Variants in SLC13A3 observed in about 807,000 individuals in gnomAD.
The protein encoded by SLC13A3 is Na(+)/dicarboxylate cotransporter 3.
Under a neutral mutation model 59.0 loss-of-function variants are expected in SLC13A3, and 40 were observed. The observed-to-expected ratio is 0.68, with a 90% CI of 0.53 to 0.88. The LOEUF (loss-of-function observed/expected upper bound fraction) is 0.88, where lower values mean the gene tolerates loss of function less well. SLC13A3 is among the 40% of genes least tolerant of loss of function. SLC13A3 has a pLI of 0.00. For missense variants in SLC13A3, 699 were observed against 783.2 expected (o/e 0.89, Z 1.28); for synonymous variants, 317 against 330.3 (o/e 0.96, Z 0.44).
chr20:46,614,512 T>G (rs541816234), intron 1 of SLC13A3, among the ~76,000 whole-genome samples: 2 of 152,144 alleles, frequency 1.3e-5, no homozygotes, highest in Non-Finnish European at 2.9e-5. Context: ...TGAGCACCAG[T>G]GGGGGTGTGG....
intron 1 of SLC13A3, among the ~76,000 whole-genome samples, chr20:46,624,752 T>C (rs1275349535): frequency 6.6e-6 from 1 of 152,208 alleles, no homozygotes; most frequent in Non-Finnish European, 1.5e-5. Flanking sequence ...TGGACCAACA[T>C]TCCAAAGATG....
At chr20:46,612,102 TC>T (rs2062502498) in intron 2 of SLC13A3, among the ~76,000 whole-genome samples, 1 of 146,806 alleles carries the variant, frequency 6.8e-6, no homozygotes, top group African/African-American at 2.7e-5. Flanking sequence ...TTTCTTTCTT[TC>T]TCTCTTTCTC....
At chr20:46,590,484 C>T (rs1394216109) in intron 6 of SLC13A3, among the ~76,000 whole-genome samples, 1 of 152,048 alleles carries the variant, frequency 6.6e-6, no homozygotes, top group African/African-American at 2.4e-5. Context: ...AGACCAAAAA[C>T]CCATTTGAAA....
At chr20:46,594,899 T>TA (rs1265068975) in intron 5 of SLC13A3, among the ~76,000 whole-genome samples, 1 of 152,156 alleles carries the variant, frequency 6.6e-6, no homozygotes, top group African/African-American at 2.4e-5. Flanking sequence ...ATGGGTGTAC[T>TA]AAAATCTCTT....
chr20:46,562,279 T>C (rs2061937890), intron 12 of SLC13A3, among the ~76,000 whole-genome samples: 1 of 152,192 alleles, frequency 6.6e-6, no homozygotes, highest in Non-Finnish European at 1.5e-5. Context: ...CCTGACCTCG[T>C]GTCTCCAACC....
At chr20:46,642,798 G>A (rs762256521) in intron 1 of SLC13A3, among the ~76,000 whole-genome samples, 5 of 152,124 alleles carry the variant, frequency 3.3e-5, no homozygotes, top group African/African-American at 7.2e-5. Flanking sequence ...GATTATTCCC[G>A]GAGTGTCCAG....
chr20:46,609,950 A>G (rs2062476875), intron 3 of SLC13A3, among the ~76,000 whole-genome samples: 1 of 152,162 alleles, frequency 6.6e-6, no homozygotes, highest in African/African-American at 2.4e-5. Context: ...CTTGCACAAG[A>G]TCCTTAAGAA....
At chr20:46,638,789 C>T (rs192287670) in intron 1 of SLC13A3, among the ~76,000 whole-genome samples, 9 of 152,220 alleles carry the variant, frequency 5.9e-5, no homozygotes, top group Non-Finnish European at 8.8e-5. Flanking sequence ...CTTGGCACCG[C>T]GGACATTTGG....
intron 11 of SLC13A3, among the ~76,000 whole-genome samples, chr20:46,565,798 C>T (rs2061975431): frequency 3.3e-5 from 5 of 152,316 alleles, no homozygotes; most frequent in Non-Finnish European, 2.9e-5. Context: ...CTGTAGTGCA[C>T]GGATCAGCCC....
intron 1 of SLC13A3, among the ~76,000 whole-genome samples, chr20:46,657,725 C>T (rs944549087): frequency 6.6e-6 from 1 of 152,118 alleles, no homozygotes; most frequent in Non-Finnish European, 1.5e-5. Context: ...TGAAACATGG[C>T]GCTGTCATCT....
In SLC13A3 at chr20:46,588,163, C is replaced by G; in HGVS notation, c.1017G>C (p.Lys339Asn). The G allele has an allele frequency of 1.2e-6, 2 of 1,603,086 alleles. No individual in the cohort carries two copies. The highest frequency in any genetic ancestry group is 2.2e-5 in the South Asian group (2 of 90,020). Residue 339 changes from lysine to asparagine, a missense_variant and splice_region_variant, in exon 8 of 13, where the codon AAG (lysine) becomes AAC (asparagine). Coordinates refer to ENST00000279027, the MANE Select transcript of SLC13A3 (RefSeq NM_022829.6). ...GGATGAAAACAGCCTGTTCGGCAAACCTGTGGCACAGACATGCAGGCATGA... is the reference window on the plus strand; with the variant it reads ...GGATGAAAACAGCCTGTTCGGCAAAGCTGTGGCACAGACATGCAGGCATGA... Reference protein sequence around the residue: ...REEYQNLGPIKFAEQAVFILF... With the variant: ...REEYQNLGPINFAEQAVFILF...
Position 46,608,933 on chromosome 20 carries a change from G to C in SLC13A3, c.541+1513C>G. On this transcript the variant is annotated intron_variant, in intron 3 of 12. Transcript: ENST00000279027. The stretch of plus-strand genomic sequence containing the variant: ...CACCCGGCAGGAAGGACAGAACCCG[G>C]AAGTTGCACACATCATTTCCACTCA... 3 of 1,550,888 alleles carry C rather than the reference G, an allele frequency of 1.9e-6. No homozygotes were observed. In the South Asian group the frequency reaches 3.6e-5, roughly 18 times the overall value.
chr20:46,562,978 G>T (rs763490247), intron 12 of SLC13A3, among the ~76,000 whole-genome samples: 11 of 152,182 alleles, frequency 7.2e-5, no homozygotes, highest in Non-Finnish European at 1.3e-4. Flanking sequence ...GGGACCTTCC[G>T]GGGGAGGGAA....
intron 9 of SLC13A3, among the ~76,000 whole-genome samples, chr20:46,579,639 T>C (rs1037286940): frequency 6.6e-6 from 1 of 152,170 alleles, no homozygotes; most frequent in African/African-American, 2.4e-5. Context: ...GAAACTCCAG[T>C]TCAAAGACCC....
At chr20:46,582,583 A>T in intron 9 of SLC13A3, 2 of 958,036 alleles carry the variant, frequency 2.1e-6, no homozygotes, top group Non-Finnish European at 2.5e-6. Context: ...AGCCTGGGTG[A>T]CAGAGTGAGA....
chr20:46,619,962 T>G (rs1033721090), intron 1 of SLC13A3, among the ~76,000 whole-genome samples: 4 of 152,222 alleles, frequency 2.6e-5, no homozygotes, highest in Admixed American at 2.6e-4. Context: ...GGTGACTTAA[T>G]GTCCCTGTGA....
chr20:46,563,684 C>A, intron 11 of SLC13A3, 133 bp from the exon 12 acceptor site: 1 of 973,292 alleles, frequency 1.0e-6, no homozygotes, highest in Non-Finnish European at 1.5e-6. Context: ...CAAAGACATC[C>A]ATAGAGATTG....
At chr20:46,585,656 A>T (rs1293345298) in intron 8 of SLC13A3, 1 of 1,284,822 alleles carries the variant, frequency 7.8e-7, no homozygotes, top group African/African-American at 1.5e-5. Context: ...AAAAGTCAGG[A>T]AAGATGTATA....
chr20:46,636,589 C>A (rs773197142), intron 1 of SLC13A3, among the ~76,000 whole-genome samples: 1 of 152,156 alleles, frequency 6.6e-6, no homozygotes, highest in Non-Finnish European at 1.5e-5. Context: ...TTTTACAAAG[C>A]ACCTGGTTCC....
Sources: allele counts gnomAD v4.1 joint callset (sites outside exome capture counted in the v4.1 genomes callset), GRCh38; gene constraint gnomAD v4.1.1; transcripts MANE v1.5; gene names NCBI Gene and HGNC (gene_info 2026-07-23, HGNC 2026-07-21).